Variants in NEDD4 observed in about 807,000 individuals in gnomAD.
The protein encoded by NEDD4 is NEDD4 E3 ubiquitin protein ligase.
A neutral mutation model predicts 144.9 loss-of-function variants in NEDD4; 99 were observed. The ratio of observed to expected loss-of-function variants is 0.68; its 90% CI spans 0.58 to 0.81. The LOEUF is 0.81. Ranked by LOEUF, NEDD4 falls within the 30% of genes least tolerant of loss-of-function variation. NEDD4 has a pLI of 0.00. For synonymous variants in NEDD4, 318 were observed against 350.6 expected (o/e 0.91, Z 1.04); for missense variants, 985 against 1,065.9 (o/e 0.92, Z 1.06).
chr15:55,924,205 A>G (rs879205429), intron 5 of NEDD4, among the ~76,000 whole-genome samples: 8 of 152,044 alleles, frequency 5.3e-5, no homozygotes, highest in Admixed American at 2.6e-4. Context: ...TCCTCTGTAG[A>G]AGAGTGGGGA....
intron 7 of NEDD4, among the ~76,000 whole-genome samples, chr15:55,871,324 C>T (rs1473867035): frequency 3.3e-5 from 5 of 152,164 alleles, no homozygotes; most frequent in African/African-American, 1.2e-4. Context: ...CTTAATGGGG[C>T]TCACACAAAT....
chr15:55,985,834 G>A (rs975204824), intron 1 of NEDD4, among the ~76,000 whole-genome samples: 3 of 151,882 alleles, frequency 2.0e-5, no homozygotes, highest in Non-Finnish European at 4.4e-5. Flanking sequence ...CAGTAACAAT[G>A]AGCACACCAA....
chr15:55,979,971 C>T (rs1363480848), intron 1 of NEDD4, among the ~76,000 whole-genome samples: 4 of 151,460 alleles, frequency 2.6e-5, no homozygotes, highest in African/African-American at 7.3e-5. Flanking sequence ...AGTGCAGTGG[C>T]GCAATCTCGG....
At chr15:55,872,231 G>A (rs1319847792) in intron 7 of NEDD4, among the ~76,000 whole-genome samples, 184 bp downstream of exon 7, 2 of 151,544 alleles carry the variant, frequency 1.3e-5, no homozygotes, top group Admixed American at 6.6e-5. Flanking sequence ...GTTTTGCAAT[G>A]TGCATACAGT....
chr15:55,885,978 G>A (rs2035371578), intron 5 of NEDD4, among the ~76,000 whole-genome samples: 2 of 150,304 alleles, frequency 1.3e-5, no homozygotes, highest in South Asian at 4.2e-4. Flanking sequence ...CACCTATAAA[G>A]ACATAAAGAC....
At chr15:55,867,375 G>T (rs2034621771) in intron 8 of NEDD4, among the ~76,000 whole-genome samples, 1 of 152,136 alleles carries the variant, frequency 6.6e-6, no homozygotes, top group Non-Finnish European at 1.5e-5. Context: ...CAAACACTGA[G>T]ACATGAGACC....
At chr15:55,949,628 A>T (rs1468429086) in intron 4 of NEDD4, among the ~76,000 whole-genome samples, 1 of 152,348 alleles carries the variant, frequency 6.6e-6, no homozygotes, top group African/African-American at 2.4e-5. Flanking sequence ...GCCATACAAA[A>T]GGATGAGTTC....
At chr15:55,855,032 C>T (rs1456308438) in intron 12 of NEDD4, among the ~76,000 whole-genome samples, 1 of 152,124 alleles carries the variant, frequency 6.6e-6, no homozygotes, top group Non-Finnish European at 1.5e-5. Flanking sequence ...GGACAGATGA[C>T]AGTGAGTGAG....
intron 21 of NEDD4, among the ~76,000 whole-genome samples, chr15:55,840,197 G>A (rs909996604): frequency 1.5e-4 from 22 of 150,872 alleles, no homozygotes; most frequent in Middle Eastern, 3.4e-3. Flanking sequence ...TAGACAGATA[G>A]GTATGTGATA....
chr15:55,967,711 A>G (rs1474152474), intron 1 of NEDD4, among the ~76,000 whole-genome samples: 1 of 147,726 alleles, frequency 6.8e-6, no homozygotes, highest in East Asian at 2.2e-4. Flanking sequence ...AAATATAAAA[A>G]AACTTCATAG....
intron 2 of NEDD4, 59 bp from the exon 3 acceptor site, chr15:55,951,648 A>C: frequency 1.6e-6 from 2 of 1,224,246 alleles, no homozygotes; most frequent in Non-Finnish European, 2.2e-6. Context: ...CCCCAAGCTC[A>C]GATTACCCAG....
rs2034021232 is a variant in NEDD4, at chr15:55,852,435, G to A, written c.1135C>T (p.Pro379Ser). Reference sequence around the variant, plus strand: ...AGATTACAGGATACCTGTACAGTGGGCTTTGTCCAAGTAGTCGTTCTGGAA... The same window carrying A: ...AGATTACAGGATACCTGTACAGTGGACTTTGTCCAAGTAGTCGTTCTGGAA... Reference protein sequence around the residue: ...HNSRTTTWTKPTVQATVETSQ... With the variant: ...HNSRTTTWTKSTVQATVETSQ... The change falls in exon 13 of 29, where the codon CCC (proline) becomes TCC (serine). Residue 379 changes from proline to serine, a missense_variant. By Grantham distance (74) the Pro-to-Ser change is moderately conservative. Coordinates refer to ENST00000435532, the MANE Select transcript of NEDD4 (RefSeq NM_006154.4). 1.9e-6 allele frequency: 3 copies of A among 1,611,542 alleles called. No individual in the cohort carries two copies. Among genetic ancestry groups the A allele is most frequent in the African/African-American group, 1.3e-5 (1 of 74,836 alleles).
intron 8 of NEDD4, 144 bp downstream of exon 8, chr15:55,869,433 CTA>C (rs1352085303): frequency 1.7e-6 from 1 of 572,708 alleles, no homozygotes; most frequent in Non-Finnish European, 3.0e-6. Context: ...AGAGGGAAAA[CTA>C]TTAATGCTTG....
chr15:55,851,304 C>T (rs1208366611), intron 13 of NEDD4, among the ~76,000 whole-genome samples: 1 of 151,534 alleles, frequency 6.6e-6, no homozygotes. Context: ...TAAATAACAA[C>T]ATGGACAGAG....
At chr15:55,862,384 C>A (rs1178091468) in intron 9 of NEDD4, among the ~76,000 whole-genome samples, 3 of 152,022 alleles carry the variant, frequency 2.0e-5, no homozygotes, top group African/African-American at 7.2e-5. Flanking sequence ...AAAAAAATCA[C>A]TGAGGAGACA....
rs1264384828 is a variant in NEDD4, at chr15:55,915,887, A to C, written c.291+8759T>G. On this transcript the variant is annotated intron_variant, in intron 5 of 28. Coordinates refer to ENST00000435532, the MANE Select transcript of NEDD4 (RefSeq NM_006154.4). ...TGACAGCTGTTGAAAGAAATCCTTT[A>C]GCACTAGTGCCATCCTCATTATGTG... The C allele has an allele frequency of 6.2e-6, 10 of 1,613,918 alleles. 1 individual carries two copies. The highest frequency in any genetic ancestry group is 1.6e-4 in the Middle Eastern group (1 of 6,084).
chr15:55,915,342 T>A (rs375697799), intron 5 of NEDD4: 1 of 1,611,124 alleles, frequency 6.2e-7, no homozygotes, highest in South Asian at 1.1e-5. Context: ...TGATAAATTA[T>A]CCACTTTACC....
At chr15:55,873,850 G>C (rs2034894826) in intron 6 of NEDD4, 108 bp downstream of exon 6, 2 of 484,468 alleles carry the variant, frequency 4.1e-6, no homozygotes, top group Non-Finnish European at 7.3e-6. Flanking sequence ...AATAAAAGTA[G>C]TATACATTTG....
chr15:55,839,569 C>T (rs906632587), intron 21 of NEDD4, among the ~76,000 whole-genome samples: 5 of 152,122 alleles, frequency 3.3e-5, no homozygotes, highest in South Asian at 4.1e-4. Context: ...TTGTGTGAGG[C>T]TATTCAGCAG....
Sources: gnomAD v4.1 joint callset for allele counts (sites outside exome capture counted in the v4.1 genomes callset) on GRCh38, gnomAD v4.1.1 for gene constraint, MANE v1.5 for transcripts, NCBI Gene and HGNC (gene_info 2026-07-23, HGNC 2026-07-21) for gene names.